The following TM9SF4 variants were observed in gnomAD, a reference collection of about 807,000 sequenced individuals.
The protein encoded by TM9SF4 is dinucleotide oxidase disulfide thiol exchanger 3 superfamily member 4.
TM9SF4 carries 26 observed loss-of-function variants against 90.4 expected under a neutral mutation model. The ratio of observed to expected loss-of-function variants is 0.29; its 90% confidence interval spans 0.21 to 0.40. TM9SF4 has a LOEUF of 0.40. Among genes scored for constraint, TM9SF4 ranks in the 10% least tolerant of loss-of-function variants. The pLI, the probability that TM9SF4 is intolerant of heterozygous loss-of-function variation, is 1.00. For synonymous variants in TM9SF4, 293 were observed against 315.4 expected, an observed-to-expected ratio of 0.93 and a Z score of 0.75; for missense variants, 549 against 834.8, an observed-to-expected ratio of 0.66 and a Z score of 4.22.
At chr20:32,144,982 C>G in intron 6 of TM9SF4, 109 bp from the exon 7 acceptor site, 1 of 944,592 alleles carries the variant, frequency 1.1e-6, no homozygotes. Context: ...CACTCCCACC[C>G]TAGAGGCTGG....
intron 1 of TM9SF4, among the ~76,000 whole-genome samples, chr20:32,132,509 A>G (rs1220510191): frequency 6.6e-6 from 1 of 152,150 alleles, no homozygotes; most frequent in African/African-American, 2.4e-5. Context: ...TTGTCAGGAC[A>G]ACAAGGAGGC....
At chr20:32,163,276 T>C (rs1244576420) in intron 17 of TM9SF4, among the ~76,000 whole-genome samples, 2 of 42,054 alleles carry the variant, frequency 4.8e-5, no homozygotes, top group East Asian at 5.9e-3. Context: ...AAAATATATA[T>C]ATATATATAT....
intron 1 of TM9SF4, among the ~76,000 whole-genome samples, chr20:32,118,484 A>G (rs1200463059): frequency 2.2e-5 from 3 of 138,636 alleles, no homozygotes; most frequent in Non-Finnish European, 4.7e-5. Context: ...GTTGGAGTGC[A>G]GTGGTGGAAT....
rs779165356 is a variant in TM9SF4 at position 32,141,911 on chromosome 20, C to T, written c.528+16C>T. 12 of 1,613,462 alleles carry T rather than the reference C, an allele frequency of 7.4e-6. No homozygotes were observed. The highest frequency in any genetic ancestry group is 3.3e-5 in the South Asian group (3 of 91,008). Reference sequence around the variant, plus strand: ...TGTCAACAAGGTAGAGTGTCTTTGGCGTGCTCACAGGACCGGGAGCCACAC... The same window carrying T: ...TGTCAACAAGGTAGAGTGTCTTTGGTGTGCTCACAGGACCGGGAGCCACAC... On this transcript the variant is annotated intron_variant, in intron 5 of 17. Coordinates refer to ENST00000398022, the MANE Select transcript of TM9SF4 (RefSeq NM_014742.4).
chr20:32,145,316 G>C lies in TM9SF4; in HGVS notation c.776G>C (p.Ser259Thr). The C allele has an allele frequency of 6.2e-7, 1 of 1,614,216 alleles. No individual in the cohort carries two copies. Among genetic ancestry groups the C allele is most frequent in the Non-Finnish European group, 8.5e-7 (1 of 1,180,028 alleles). ...YFTYSVHWEE[S>T]DIKWASRWDT... is the part of the protein sequence containing the mutation. ...GTGCTTCCTCCCACCTGCCAGGAAAGTGATATCAAATGGGCCTCTCGCTGG... is the reference window on the plus strand; with the variant it reads ...GTGCTTCCTCCCACCTGCCAGGAAACTGATATCAAATGGGCCTCTCGCTGG... The change falls in exon 8 of 18, where the codon AGT (serine) becomes ACT (threonine). Residue 259 changes from serine (S) to threonine (T), a missense_variant. Physicochemically the swap from Ser to Thr is moderately conservative, Grantham distance 58. Coordinates refer to ENST00000398022, the MANE Select transcript of TM9SF4 (RefSeq NM_014742.4).
chr20:32,160,242 G>A, intron 16 of TM9SF4, 131 bp downstream of exon 16: 1 of 1,357,592 alleles, frequency 7.4e-7, no homozygotes, highest in South Asian at 1.3e-5. Flanking sequence ...GAGCTCTTGG[G>A]CCAGTACGTT....
In TM9SF4 at chr20:32,149,693, C is replaced by T. The variant is rs774338487; in HGVS notation, c.1014C>T (p.Pro338=). Residue 338 remains proline (P), a synonymous_variant, in exon 10 of 18, where the codon CCC becomes CCT. Coordinates refer to ENST00000398022, the MANE Select transcript of TM9SF4 (RefSeq NM_014742.4). ...KLVHGDVFRP[P]QYPMILSSLL... ...TGCACGGCGACGTCTTCAGGCCCCC[C>T]CAGTACCCCATGATCCTCAGCTCCC... 5 of 1,614,104 alleles carry T rather than the reference C, an allele frequency of 3.1e-6. No homozygotes were observed. The highest frequency in any genetic ancestry group is 2.7e-5 in the African/African-American group (2 of 74,934).
At chr20:32,152,825 T>G (rs1481627097) in intron 12 of TM9SF4, among the ~76,000 whole-genome samples, 1 of 152,212 alleles carries the variant, frequency 6.6e-6, no homozygotes, top group East Asian at 1.9e-4. Flanking sequence ...GGCAGAGCCC[T>G]CATGAGACCT....
chr20:32,147,313 A>G (rs1454764636), intron 9 of TM9SF4, among the ~76,000 whole-genome samples: 1 of 152,210 alleles, frequency 6.6e-6, no homozygotes, highest in Non-Finnish European at 1.5e-5. Context: ...TAATACCAAA[A>G]AAGTAAGGAA....
At chr20:32,151,055 C>T (rs375761456) in intron 12 of TM9SF4, among the ~76,000 whole-genome samples, 180 bp downstream of exon 12, 5 of 152,000 alleles carry the variant, frequency 3.3e-5, no homozygotes, top group East Asian at 1.9e-4. Context: ...CCCACAGGCT[C>T]GCAGCAGAAC....
intron 3 of TM9SF4, among the ~76,000 whole-genome samples, chr20:32,140,234 A>T (rs1001509380): frequency 3.7e-4 from 56 of 152,236 alleles, no homozygotes; most frequent in African/African-American, 1.4e-3. Context: ...GCTCAGAATG[A>T]AAGCACCATG....
intron 16 of TM9SF4, among the ~76,000 whole-genome samples, chr20:32,160,578 A>G (rs898699409): frequency 6.6e-6 from 1 of 152,102 alleles, no homozygotes; most frequent in African/African-American, 2.4e-5. Context: ...CCTCCTCCAC[A>G]TGATGGGGTG....
At chr20:32,165,169 T>G in intron 17 of TM9SF4, 126 bp from the exon 18 acceptor site, 1 of 1,312,016 alleles carries the variant, frequency 7.6e-7, no homozygotes, top group African/African-American at 1.5e-5. Context: ...TGCCACCCAC[T>G]GGAGCACGCC....
chr20:32,119,036 T>A (rs888885157), intron 1 of TM9SF4, among the ~76,000 whole-genome samples: 1 of 152,142 alleles, frequency 6.6e-6, no homozygotes, highest in Non-Finnish European at 1.5e-5. Context: ...TATATTCAAT[T>A]TTTACTTGTC....
intron 12 of TM9SF4, among the ~76,000 whole-genome samples, chr20:32,154,030 A>C (rs187309666): frequency 1.3e-5 from 2 of 152,318 alleles, no homozygotes; most frequent in East Asian, 3.9e-4. Flanking sequence ...CGTGAGGATT[A>C]GGTGAGACAA....
intron 1 of TM9SF4, among the ~76,000 whole-genome samples, chr20:32,117,491 C>G (rs981682888): frequency 1.3e-5 from 2 of 152,138 alleles, no homozygotes; most frequent in African/African-American, 4.8e-5. Flanking sequence ...GGGAAACTTC[C>G]TGTTTTCTTT....
chr20:32,140,368 A>G (rs1314088724), intron 3 of TM9SF4, among the ~76,000 whole-genome samples: 1 of 152,110 alleles, frequency 6.6e-6, no homozygotes, highest in Non-Finnish European at 1.5e-5. Context: ...TTTGCCTGAA[A>G]ATCTCAGGTG....
At chr20:32,139,904 A>T (rs1414013719) in intron 3 of TM9SF4, among the ~76,000 whole-genome samples, 1 of 152,210 alleles carries the variant, frequency 6.6e-6, no homozygotes, top group Non-Finnish European at 1.5e-5. Context: ...CTTCCTTTCA[A>T]GTACCCCTTC....
intron 1 of TM9SF4, among the ~76,000 whole-genome samples, chr20:32,132,173 G>A (rs2046526941): frequency 6.6e-6 from 1 of 152,158 alleles, no homozygotes; most frequent in South Asian, 2.1e-4. Context: ...GGAGGCCGAG[G>A]TGGGCAGATC....
Sources: gnomAD v4.1 joint callset for allele counts (sites outside exome capture counted in the v4.1 genomes callset) on GRCh38, gnomAD v4.1.1 for gene constraint, MANE v1.5 for transcripts, NCBI Gene and HGNC (gene_info 2026-07-23, HGNC 2026-07-21) for gene names.